The following LOC400499 variants were observed in gnomAD, a reference collection of about 807,000 sequenced individuals.
chr16:11,500,129 G>C, the LOC400499 span, among the ~76,000 whole-genome samples: 1 of 152,148 alleles, frequency 6.6e-6, no homozygotes, highest in Non-Finnish European at 1.5e-5. Context: ...TTTAGTGCCA[G>C]ACACCAGGAG....
chr16:11,521,930 C>T, the LOC400499 span: 4 of 399,078 alleles, frequency 1.0e-5, no homozygotes, highest in African/African-American at 8.2e-5. Flanking sequence ...ACGTGATCTC[C>T]CGGTTGCCCA....
chr16:11,456,550 GTAATTA>G, the LOC400499 span, among the ~76,000 whole-genome samples: 1 of 152,192 alleles, frequency 6.6e-6, no homozygotes, highest in Non-Finnish European at 1.5e-5. Flanking sequence ...AAGTTACGAT[GTAATTA>G]TAAGCATCAC....
the LOC400499 span, among the ~76,000 whole-genome samples, chr16:11,453,182 C>T: frequency 3.4e-4 from 52 of 152,080 alleles, no homozygotes; most frequent in Non-Finnish European, 6.2e-4. Context: ...GTCTCTTACT[C>T]GAAGTTTCAT....
chr16:11,420,788 A>G, the LOC400499 span, among the ~76,000 whole-genome samples: 2 of 152,116 alleles, frequency 1.3e-5, no homozygotes, highest in African/African-American at 4.8e-5. Flanking sequence ...GAAACGCAGC[A>G]TCTCAGGCCC....
At chr16:11,473,109 C>G in the LOC400499 span, 2 of 116,198 alleles carry the variant, frequency 1.7e-5, no homozygotes, top group African/African-American at 3.4e-5. Context: ...GAGGGACACG[C>G]TATCTCAAAA....
At chr16:11,425,117 C>G in the LOC400499 span, 1 of 398,858 alleles carries the variant, frequency 2.5e-6, no homozygotes. Context: ...CTGGACCACT[C>G]GTCCTACCTG....
chr16:11,387,193 C>A, the LOC400499 span: 1 of 1,232,298 alleles, frequency 8.1e-7, no homozygotes, highest in African/African-American at 1.5e-5. Context: ...CTCGGAGCGG[C>A]CGCAGCAGCT....
the LOC400499 span, among the ~76,000 whole-genome samples, chr16:11,436,985 T>C: frequency 6.6e-6 from 1 of 152,152 alleles, no homozygotes; most frequent in African/African-American, 2.4e-5. Context: ...TATCTAGTGC[T>C]AATATAAAAT....
chr16:11,488,155 T>G, the LOC400499 span, among the ~76,000 whole-genome samples: 9,240 of 151,968 alleles, frequency 0.061, 558 homozygotes, highest in East Asian at 0.3. Flanking sequence ...ACCCGCCTCT[T>G]GGTGTACAGT....
the LOC400499 span, among the ~76,000 whole-genome samples, chr16:11,445,624 G>A: frequency 1.2e-4 from 18 of 152,232 alleles, no homozygotes; most frequent in African/African-American, 3.4e-4. Context: ...AGAGCCAGGC[G>A]AGGAAATGCG....
At chr16:11,506,215 G>A in the LOC400499 span, among the ~76,000 whole-genome samples, 1 of 152,028 alleles carries the variant, frequency 6.6e-6, no homozygotes, top group Non-Finnish European at 1.5e-5. Context: ...AGTAGAGACA[G>A]GGTTTCACCA....
the LOC400499 span, chr16:11,485,069 C>G: frequency 2.5e-6 from 1 of 398,954 alleles, no homozygotes; most frequent in Non-Finnish European, 4.4e-6. Flanking sequence ...CAGCCGGAGC[C>G]CAAGCTGGGA....
At chr16:11,418,205 G>C in the LOC400499 span, among the ~76,000 whole-genome samples, 650 of 152,252 alleles carry the variant, frequency 4.3e-3, 5 homozygotes, top group African/African-American at 0.015. Context: ...AAAGTTGTTG[G>C]AACACAGCCC....
the LOC400499 span, among the ~76,000 whole-genome samples, chr16:11,487,694 T>C: frequency 6.6e-6 from 1 of 152,218 alleles, no homozygotes; most frequent in South Asian, 2.1e-4. Context: ...TTCCCTTTTT[T>C]ATTTTCTGTT....
the LOC400499 span, among the ~76,000 whole-genome samples, chr16:11,393,999 C>T: frequency 6.6e-6 from 1 of 152,214 alleles, no homozygotes; most frequent in Non-Finnish European, 1.5e-5. Flanking sequence ...AACCCAGCAG[C>T]AGCCGCCCAC....
chr16:11,455,050 C>T, the LOC400499 span, among the ~76,000 whole-genome samples: 90 of 152,214 alleles, frequency 5.9e-4, no homozygotes, highest in Non-Finnish European at 1.1e-3. Flanking sequence ...TTTTGCAATG[C>T]TGCTGAAAAT....
chr16:11,391,391 G>GGT, the LOC400499 span, among the ~76,000 whole-genome samples: 8 of 151,922 alleles, frequency 5.3e-5, no homozygotes, highest in Admixed American at 2.6e-4. Flanking sequence ...AAAGAAAGCA[G>GGT]GCGGGAGACT....
the LOC400499 span, among the ~76,000 whole-genome samples, chr16:11,432,142 C>T: frequency 2.0e-5 from 3 of 152,250 alleles, no homozygotes; most frequent in African/African-American, 7.2e-5. Flanking sequence ...CCACCCCCGT[C>T]CTCAGCCCAT....
At chr16:11,503,861 T>A in the LOC400499 span, among the ~76,000 whole-genome samples, 4 of 152,234 alleles carry the variant, frequency 2.6e-5, no homozygotes, top group African/African-American at 9.6e-5. Context: ...TGACCACTGG[T>A]AGCCTAAAAG....
Sources: gnomAD v4.1 joint callset for allele counts (sites outside exome capture counted in the v4.1 genomes callset) on GRCh38, gnomAD v4.1.1 for gene constraint, MANE v1.5 for transcripts.